The following FRMPD1 variants were observed in gnomAD, a reference collection of about 807,000 sequenced individuals.
FRMPD1 encodes FERM and PDZ domain-containing protein 1.
A neutral mutation model predicts 117.8 loss-of-function variants in FRMPD1; 76 were observed. The observed-to-expected ratio is 0.65, with a 90% CI of 0.54 to 0.78. The LOEUF (loss-of-function observed/expected upper bound fraction) is 0.78, where lower values mean the gene tolerates loss of function less well. Ranked by LOEUF, FRMPD1 falls within the 30% of genes least tolerant of loss-of-function variation. The pLI is 0.00. For missense variants in FRMPD1, 1,786 were observed against 1,964.5 expected (o/e 0.91, Z 1.72); for synonymous variants, 783 against 770.4 (o/e 1.02, Z -0.27).
At chr9:37,739,321 C>A (rs1483796143) in intron 14 of FRMPD1, among the ~76,000 whole-genome samples, 1 of 152,174 alleles carries the variant, frequency 6.6e-6, no homozygotes, top group Non-Finnish European at 1.5e-5. Flanking sequence ...TGGGGGAGGC[C>A]AGGCTCTTCC....
At chr9:37,719,264 A>C (rs796582995) in intron 6 of FRMPD1, 88 bp downstream of exon 6, 2 of 819,668 alleles carry the variant, frequency 2.4e-6, no homozygotes, top group Non-Finnish European at 4.2e-6. Context: ...ATTCCACAGC[A>C]CAGAGGGTGC....
At chr9:37,707,202 G>T (rs947876562) in intron 2 of FRMPD1, among the ~76,000 whole-genome samples, 4 of 152,096 alleles carry the variant, frequency 2.6e-5, no homozygotes, top group African/African-American at 9.7e-5. Flanking sequence ...TAGATATTTA[G>T]CATTAGCTCA....
chr9:37,637,169 C>G, the FRMPD1 span: 2 of 1,610,454 alleles, frequency 1.2e-6, no homozygotes, highest in East Asian at 4.5e-5. Context: ...GAAGTCCACC[C>G]CGATGGTGCT....
At chr9:37,743,520 CTTTTTTTTTTTTTTTTTTTTTTTT>C (rs531949141) in intron 15 of FRMPD1, among the ~76,000 whole-genome samples, 18 of 40,936 alleles carry the variant, frequency 4.4e-4, no homozygotes, top group East Asian at 2.7e-3. Context: ...AATGGCTCTG[CTTTTTTTTTTTTTTTTTTTTTTTT>C]TTTTTTTTTT....
At chr9:37,715,452 G>T (rs1823078902) in intron 5 of FRMPD1, among the ~76,000 whole-genome samples, 1 of 152,128 alleles carries the variant, frequency 6.6e-6, no homozygotes, top group Non-Finnish European at 1.5e-5. Context: ...CAGGGCAGAG[G>T]GTATTGCCAA....
upstream of FRMPD1, among the ~76,000 whole-genome samples, chr9:37,650,080 A>C (rs1181635878): frequency 1.3e-5 from 2 of 152,214 alleles, no homozygotes; most frequent in African/African-American, 4.8e-5. Context: ...GTATTTTAAT[A>C]GTCCTAGACT....
At chr9:37,714,105 A>G (rs1043866277) in intron 5 of FRMPD1, among the ~76,000 whole-genome samples, 3 of 152,252 alleles carry the variant, frequency 2.0e-5, no homozygotes, top group African/African-American at 2.4e-5. Context: ...TATTTTAGGT[A>G]TCGATAAATG....
At chr9:37,644,370 C>G in the FRMPD1 span, among the ~76,000 whole-genome samples, 2 of 152,200 alleles carry the variant, frequency 1.3e-5, no homozygotes, top group African/African-American at 4.8e-5. Context: ...GGCCTTTGTC[C>G]TTCTTGCAAT....
chr9:37,717,524 C>T (rs924755319), intron 5 of FRMPD1, among the ~76,000 whole-genome samples: 1 of 151,628 alleles, frequency 6.6e-6, no homozygotes. Context: ...GGACTAAAGG[C>T]ATGCACCACC....
At chr9:37,716,584 G>A (rs995953994) in intron 5 of FRMPD1, among the ~76,000 whole-genome samples, 1 of 152,222 alleles carries the variant, frequency 6.6e-6, no homozygotes, top group African/African-American at 2.4e-5. Context: ...TCCCGAAGGT[G>A]AGAGACAACA....
At chr9:37,626,621 T>TAAAAAAAAAAAAAAAA in the FRMPD1 span, among the ~76,000 whole-genome samples, 1 of 28,178 alleles carries the variant, frequency 3.5e-5, no homozygotes, top group East Asian at 9.0e-4. Context: ...ACCTGGTATC[T>TAAAAAAAAAAAAAAAA]GAAAAAAAAA....
rs1215793939 is a variant in FRMPD1 at position 37,746,193 on chromosome 9, C to G, written c.4161C>G (p.Ser1387Arg). ...VLPWRPARAHSCTTAPLSRKS... is the reference protein window; with the variant it reads ...VLPWRPARAHRCTTAPLSRKS... ...CCTGGAGGCCTGCCCGAGCCCACAG[C>G]TGCACCACCGCACCCCTGTCGAGGA... The change falls in exon 16 of 16, where the codon AGC (serine) becomes AGG (arginine). Residue 1387 changes from serine to arginine, a missense_variant. Coordinates refer to ENST00000377765, the MANE Select transcript of FRMPD1 (RefSeq NM_014907.3). The G allele has an allele frequency of 1.2e-6, 2 of 1,610,886 alleles. No individual in the cohort carries two copies. The highest frequency in any genetic ancestry group is 2.7e-5 in the African/African-American group (2 of 74,914).
At position 37,717,317 on chromosome 9, in the gene FRMPD1, A is replaced by ATG. The variant is rs1204426463; in HGVS notation, c.409-1740_409-1739dup. On this transcript the variant is annotated intron_variant, in intron 5 of 15. Transcript: ENST00000377765. ...AGAAAAAAAAAATATATATATATGT[A>ATG]TGTGTGTGTGTGTATGTGTATATAT... Among the ~76,000 whole-genome samples the ATG allele has an allele frequency of 3.4e-4, 47 of 137,852 alleles. 1 individual carries two copies. Among genetic ancestry groups the ATG allele is most frequent in the African/African-American group, 1.2e-3 (44 of 36,566 alleles). The allele number at this position is 137,852 out of a possible 152,430, so 90.4% of individuals were successfully genotyped here.
chr9:37,708,606 G>A, intron 4 of FRMPD1, 105 bp downstream of exon 4: 3 of 729,898 alleles, frequency 4.1e-6, no homozygotes, highest in East Asian at 2.6e-5. Flanking sequence ...ATAAGGCTAA[G>A]TCTCCTTTAA....
chr9:37,737,283 T>C (rs1219990308), intron 14 of FRMPD1, 40 bp downstream of exon 14: 1 of 1,603,232 alleles, frequency 6.2e-7, no homozygotes, highest in Non-Finnish European at 8.5e-7. Flanking sequence ...ACAGGCCCCT[T>C]TCACTGGCCT....
chr9:37,729,102 G>C (rs539284551), intron 7 of FRMPD1, among the ~76,000 whole-genome samples: 6 of 152,018 alleles, frequency 3.9e-5, no homozygotes, highest in African/African-American at 1.2e-4. Flanking sequence ...AAAAAAACTA[G>C]CTGTGTGTGG....
At chr9:37,735,428 G>A in intron 12 of FRMPD1, 124 bp from the exon 13 acceptor site, 1 of 701,038 alleles carries the variant, frequency 1.4e-6, no homozygotes, top group Non-Finnish European at 2.5e-6. Context: ...TAGTCTGGAG[G>A]AGTGGTGGTT....
intron 7 of FRMPD1, among the ~76,000 whole-genome samples, chr9:37,724,894 C>G (rs1011767993): frequency 2.0e-5 from 3 of 152,064 alleles, no homozygotes; most frequent in African/African-American, 7.2e-5. Context: ...AAATAAGGGC[C>G]AAGTGCAAGG....
Position 37,745,478 on chromosome 9 carries a change from A to G in FRMPD1, c.3446A>G (p.Asp1149Gly), listed in dbSNP as rs1475098268. The change falls in exon 16 of 16, where the codon GAT (aspartate) becomes GGT (glycine). Residue 1149 changes from aspartate (D) to glycine (G), a missense_variant. Coordinates refer to ENST00000377765, the MANE Select transcript of FRMPD1 (RefSeq NM_014907.3). Reference protein sequence around the residue: ...DVSNNVSQTLDISSPAGKIVT... With the variant: ...DVSNNVSQTLGISSPAGKIVT... ...TCAAATAATGTTTCACAGACTCTTG[A>G]TATTAGCTCTCCAGCTGGTAAAATA... is the stretch of plus-strand genomic sequence containing the variant. 6.2e-7 allele frequency: 1 copy of G among 1,613,860 alleles called. No homozygotes were observed. The highest frequency in any genetic ancestry group is 8.5e-7 in the Non-Finnish European group (1 of 1,179,918).
Sources: allele counts gnomAD v4.1 joint callset (sites outside exome capture counted in the v4.1 genomes callset), GRCh38; gene constraint gnomAD v4.1.1; transcripts MANE v1.5; gene names NCBI Gene and HGNC (gene_info 2026-07-23, HGNC 2026-07-21).